Variants in HARS1 observed in about 807,000 individuals in gnomAD.
HARS1 encodes the protein histidyl-tRNA synthetase 1, also known as histidine--tRNA ligase, cytoplasmic.
Under a neutral mutation model 63.6 loss-of-function variants are expected in HARS1, and 45 were observed. The observed-to-expected ratio is 0.71, with a 90% CI of 0.56 to 0.91. The LOEUF (loss-of-function observed/expected upper bound fraction) is 0.91, where lower values mean the gene tolerates loss of function less well. HARS1 is among the 40% of genes least tolerant of loss of function. The pLI, the probability that HARS1 is intolerant of heterozygous loss-of-function variation, is 0.00. For synonymous variants in HARS1, 205 were observed against 247.1 expected, an observed-to-expected ratio of 0.83 and a Z score of 1.60; for missense variants, 508 against 643.2, an observed-to-expected ratio of 0.79 and a Z score of 2.27.
At position 140,679,173 on chromosome 5, in the gene HARS1, C is replaced by T; in HGVS notation, c.397-46G>A. The T allele has an allele frequency of 1.9e-6, 3 of 1,603,412 alleles. No homozygotes were observed. Among genetic ancestry groups the T allele is most frequent in the Non-Finnish European group, 2.6e-6 (3 of 1,172,316 alleles). The stretch of plus-strand genomic sequence containing the variant: ...AGAAAGCCCCTCCTATCACTGTCTG[C>T]AAGTTGATTATCATCACCAACAGAA... On this transcript the variant is annotated intron_variant, in intron 4 of 12. Transcript: ENST00000504156. This position sits in a 1 kb window ranked among gnomAD's most constrained non-coding sequence, Gnocchi z 4.3.
intron 3 of HARS1, among the ~76,000 whole-genome samples, chr5:140,681,317 A>G (rs2149830401): frequency 6.6e-6 from 1 of 152,260 alleles, no homozygotes; most frequent in Non-Finnish European, 1.5e-5. Flanking sequence ...CTCTGATCCA[A>G]TATGTTGTTG....
At chr5:140,680,119 C>CT (rs536164818) in intron 3 of HARS1, among the ~76,000 whole-genome samples, 2 of 149,626 alleles carry the variant, frequency 1.3e-5, no homozygotes, top group Non-Finnish European at 3.0e-5. Flanking sequence ...TCTTAAAAAT[C>CT]TTTTTTTTCT....
chr5:140,687,567 A>G (rs1759112639), intron 2 of HARS1: 1 of 152,062 alleles, frequency 6.6e-6, no homozygotes, highest in South Asian at 2.1e-4. Flanking sequence ...CAAAACAAAC[A>G]AAGTTTTACC....
chr5:140,687,686 A>G (rs572872786), intron 2 of HARS1: 77 of 152,338 alleles, frequency 5.1e-4, no homozygotes, highest in Middle Eastern at 6.8e-3. Flanking sequence ...CACACTGGCT[A>G]TTAGTACAGT....
chr5:140,677,481 G>T, intron 7 of HARS1, 61 bp from the exon 8 acceptor site: 1 of 1,341,828 alleles, frequency 7.5e-7, no homozygotes, highest in Admixed American at 1.7e-5. Flanking sequence ...GAGCAAGTGT[G>T]TACTGTCCTC....
chr5:140,674,832 G>A lies in HARS1; in HGVS notation c.1312-7C>T. 1 of 1,614,134 alleles carries A rather than the reference G, an allele frequency of 6.2e-7. No individual in the cohort carries two copies. The highest frequency in any genetic ancestry group is 8.5e-7 in the Non-Finnish European group (1 of 1,180,008). On this transcript the variant is annotated splice_polypyrimidine_tract_variant and splice_region_variant and intron_variant, in intron 11 of 12. Coordinates refer to ENST00000504156, the MANE Select transcript of HARS1 (RefSeq NM_002109.6). ...TCTTGTACAGCAGCTCAGCCTGCAG[G>A]GGACAAGAGCAGAAGATGAAGGCTG...
chr5:140,687,125 C>T (rs1204128597), intron 2 of HARS1, among the ~76,000 whole-genome samples: 3 of 152,194 alleles, frequency 2.0e-5, no homozygotes, highest in Non-Finnish European at 4.4e-5. Context: ...TGAACAATGG[C>T]ATAAGCATTT....
intron 2 of HARS1, 195 bp from the exon 3 acceptor site, chr5:140,683,414 C>T (rs1319716248): frequency 6.6e-6 from 6 of 909,100 alleles, no homozygotes; most frequent in Non-Finnish European, 7.7e-6. Context: ...TGCTATCTGC[C>T]TTCCAAACTC....
chr5:140,691,018 C>G (rs371022115), intron 1 of HARS1, 74 bp from the exon 2 acceptor site: 1 of 1,009,036 alleles, frequency 9.9e-7, no homozygotes. Flanking sequence ...TTCAATATTC[C>G]TCCCTCATCA....
Position 140,679,053 on chromosome 5 carries a change from C to T in HARS1, c.471G>A (p.Arg157=). The change falls in exon 5 of 13, where the codon CGG becomes CGA. Residue 157 remains arginine (R), a synonymous_variant. Transcript: ENST00000504156. This position sits in a 1 kb window ranked among gnomAD's most constrained non-coding sequence, Gnocchi z 4.3. ...IKRYHIAKVY[R]RDNPAMTRGR... is the part of the protein sequence containing the mutation. ...CACGGGTCATGGCTGGGTTATCCCG[C>T]CGATATACCTTTGCTATGTGGTAGC... The T allele has an allele frequency of 6.2e-7, 1 of 1,614,126 alleles. No individual in the cohort carries two copies. The highest frequency in any genetic ancestry group is 8.5e-7 in the Non-Finnish European group (1 of 1,179,960).
chr5:140,677,156 A>G, intron 8 of HARS1, 40 bp from the exon 9 acceptor site: 6 of 1,610,358 alleles, frequency 3.7e-6, no homozygotes, highest in Non-Finnish European at 5.1e-6. Context: ...ACAAGGAAAC[A>G]AAAAAGGTAA....
Position 140,690,932 on chromosome 5 carries a change from C to T in HARS1, c.103G>A (p.Val35Met), listed in dbSNP as rs144588417. The change falls in exon 2 of 13, where the codon GTG becomes ATG. Residue 35 changes from valine to methionine, a missense_variant. By Grantham distance (21) the Val-to-Met change is conservative. Transcript: ENST00000504156. The stretch of plus-strand genomic sequence containing the variant: ...GCCTTCAGTTTCAGGAGTTTCGCCA[C>T]CTCCTCCTCGATCTGTGGAGGGAAA... Reference protein sequence around the residue: ...KASAELIEEEVAKLLKLKAQL... With the variant: ...KASAELIEEEMAKLLKLKAQL... 380 of 1,599,244 alleles carry T rather than the reference C, an allele frequency of 2.4e-4. No individual in the cohort carries two copies. The highest frequency in any genetic ancestry group is 3.2e-4 in the Non-Finnish European group (369 of 1,166,642).
At chr5:140,685,891 C>T (rs1276154406) in intron 2 of HARS1, among the ~76,000 whole-genome samples, 1 of 151,864 alleles carries the variant, frequency 6.6e-6, no homozygotes, top group Admixed American at 6.6e-5. Flanking sequence ...TATCAGGAAG[C>T]CTTATTTATT....
In HARS1 at chr5:140,691,285, A is replaced by T. The variant is rs1759417281; in HGVS notation, c.20T>A (p.Leu7Gln). The change falls in exon 1 of 13, where the codon CTG becomes CAG. Residue 7 changes from leucine to glutamine, a missense_variant. Physicochemically the swap from Leu to Gln is moderately radical, Grantham distance 113. This residue lies in a region of HARS1 where 105 missense variants were observed against 94.5 expected (regional missense o/e 1.11). Transcript: ENST00000504156. MAERAA[L>Q]EELVKLQGER... ...TCCCTGAAGTTTCACCAGCTCCTCC[A>T]GCGCCGCACGCTCTGCCATCCCGGC... is the stretch of plus-strand genomic sequence containing the variant. 1 of 1,606,964 alleles carries T rather than the reference A, an allele frequency of 6.2e-7. No individual in the cohort carries two copies. The highest frequency in any genetic ancestry group is 8.5e-7 in the Non-Finnish European group (1 of 1,179,122).
At chr5:140,685,314 T>G (rs1758961863) in intron 2 of HARS1, 1 of 152,188 alleles carries the variant, frequency 6.6e-6, no homozygotes, top group Non-Finnish European at 1.5e-5. Flanking sequence ...TGGGGAGTTA[T>G]TGTTTAATGG....
intron 10 of HARS1, 91 bp from the exon 11 acceptor site, chr5:140,675,224 AC>A (rs1758295519): frequency 1.2e-6 from 1 of 808,544 alleles, no homozygotes; most frequent in Admixed American, 1.9e-5. Context: ...ACCAGGCCCA[AC>A]TCAGCTCTAC....
intron 5 of HARS1, 33 bp from the exon 6 acceptor site, chr5:140,678,048 G>T: frequency 8.4e-7 from 1 of 1,196,426 alleles, no homozygotes; most frequent in Non-Finnish European, 1.2e-6. Flanking sequence ...CGGTCTTCAG[G>T]GATTCACCTT....
Position 140,676,186 on chromosome 5 carries a change from T to TA in HARS1, c.1194+467dup, listed in dbSNP as rs2149822144. On this transcript the variant is annotated intron_variant, in intron 10 of 12. Coordinates refer to ENST00000504156, the MANE Select transcript of HARS1 (RefSeq NM_002109.6). This position sits in a 1 kb window ranked among gnomAD's most constrained non-coding sequence, Gnocchi z 4.1. ...GGATTCAAATTCTGACCCTACCACTTACAAGTTTCATGGCCTTAAGCAAAT... is the reference window on the plus strand; with the variant it reads ...GGATTCAAATTCTGACCCTACCACTTAACAAGTTTCATGGCCTTAAGCAAAT... 6.4e-6 allele frequency: 1 copy of TA among 156,732 alleles called. No homozygotes were observed. Among genetic ancestry groups the TA allele is most frequent in the East Asian group, 1.9e-4 (1 of 5,312 alleles). 9.7% of individuals were successfully genotyped at this position (156,732 alleles called of 1,614,324 possible).
rs891844407 is a variant in HARS1, at chr5:140,674,765, C to T, written c.1372G>A (p.Ala458Thr). Residue 458 changes from alanine (A) to threonine (T), a missense_variant, in exon 12 of 13, where the codon GCA becomes ACA. Ala to Thr is a moderately conservative substitution (Grantham distance 58). Transcript: ENST00000504156. ...ATGATAGCCACCAGTGGGATGCCTGCCTCCTCACAGTACTGTAACTGGTTC... is the reference window on the plus strand; with the variant it reads ...ATGATAGCCACCAGTGGGATGCCTGTCTCCTCACAGTACTGTAACTGGTTC... Reference protein sequence around the residue: ...LLNQLQYCEEAGIPLVAIIGE... With the variant: ...LLNQLQYCEETGIPLVAIIGE... The T allele has an allele frequency of 2.2e-5, 36 of 1,614,028 alleles. No individual in the cohort carries two copies. The Admixed American group carries it at 4.3e-4, about 19-fold the overall frequency.
Sources: allele counts gnomAD v4.1 joint callset (sites outside exome capture counted in the v4.1 genomes callset), GRCh38; gene constraint gnomAD v4.1.1; regional missense constraint gnomAD v4.1.1; non-coding constraint Gnocchi (gnomAD v3.1); transcripts MANE v1.5; gene names NCBI Gene and HGNC (gene_info 2026-07-23, HGNC 2026-07-21).